The following SAMD5 variants were observed in gnomAD, a reference collection of about 807,000 sequenced individuals.
SAMD5 encodes the protein sterile alpha motif domain-containing protein 5.
Under a neutral mutation model 11.3 loss-of-function variants are expected in SAMD5, and 13 were observed. That is an observed-to-expected ratio of 1.15 (90% CI 0.75 to 1.83). SAMD5 has a LOEUF of 1.83. SAMD5 is among the 40% of genes most tolerant of loss of function. The probability of loss-of-function intolerance (pLI) is 0.00; values close to 1 mark genes in which losing one functional copy is unlikely to be tolerated. For missense variants in SAMD5, 255 were observed against 239.1 expected, an observed-to-expected ratio of 1.07 and a Z score of -0.44; for synonymous variants, 129 against 111.3, an observed-to-expected ratio of 1.16 and a Z score of -1.00.
chr6:147,518,626 A>T (rs528988149), intron 1 of SAMD5, among the ~76,000 whole-genome samples: 82 of 152,318 alleles, frequency 5.4e-4, no homozygotes, highest in African/African-American at 1.8e-3. Context: ...TGAAGATGAA[A>T]GAACACTGTC....
chr6:147,677,857 C>T (rs998676224), intron 1 of SAMD5, among the ~76,000 whole-genome samples: 2 of 152,122 alleles, frequency 1.3e-5, no homozygotes, highest in African/African-American at 4.8e-5. Flanking sequence ...CATGCTCAGG[C>T]ACTTTTGAAT....
At chr6:147,833,250 TTTC>T in the SAMD5 span, among the ~76,000 whole-genome samples, 4 of 152,228 alleles carry the variant, frequency 2.6e-5, no homozygotes, top group East Asian at 1.9e-4. Context: ...TTTATACTTA[TTTC>T]TTCTTCTTTG....
the SAMD5 span, among the ~76,000 whole-genome samples, chr6:147,913,420 G>A: frequency 6.6e-6 from 1 of 152,136 alleles, no homozygotes; most frequent in Non-Finnish European, 1.5e-5. Context: ...TGGGGGCTGG[G>A]GGCAGTGGCT....
the SAMD5 span, among the ~76,000 whole-genome samples, chr6:147,919,857 C>T: frequency 6.6e-6 from 1 of 152,152 alleles, no homozygotes; most frequent in African/African-American, 2.4e-5. Context: ...AGGGAAGCAA[C>T]GTGACCTCAT....
At chr6:147,621,343 C>T (rs1789962447) in intron 1 of SAMD5, among the ~76,000 whole-genome samples, 1 of 152,148 alleles carries the variant, frequency 6.6e-6, no homozygotes, top group Admixed American at 6.5e-5. Flanking sequence ...GTCAATGGAG[C>T]TTGACTTCTG....
At position 147,554,731 on chromosome 6, in the gene SAMD5, C is replaced by T. The variant is rs74977137; in HGVS notation, c.460-9663C>T. ...GAGAGCCAGAAGGGTGAATGTGGAGCGATTGCTAGGATGGAGCTATCATTT... is the reference window on the plus strand; with the variant it reads ...GAGAGCCAGAAGGGTGAATGTGGAGTGATTGCTAGGATGGAGCTATCATTT... On this transcript the variant is annotated intron_variant, in intron 1 of 1. Coordinates refer to ENST00000367474, the MANE Select transcript of SAMD5 (RefSeq NM_001030060.3). Among the ~76,000 whole-genome samples, 1,004 of 152,196 alleles carry T rather than the reference C, an allele frequency of 6.6e-3. 10 individuals carry two copies. Among genetic ancestry groups the T allele is most frequent in the East Asian group, 0.018 (93 of 5,178 alleles).
chr6:147,536,158 T>C (rs1266849314), intron 1 of SAMD5, among the ~76,000 whole-genome samples: 1 of 152,164 alleles, frequency 6.6e-6, no homozygotes, highest in Admixed American at 6.5e-5. Context: ...TGATTTTTTG[T>C]ATTTTTAGTG....
intron 1 of SAMD5, among the ~76,000 whole-genome samples, chr6:147,611,488 A>G (rs1583105702): frequency 6.6e-6 from 1 of 151,416 alleles, no homozygotes; most frequent in African/African-American, 2.4e-5. Flanking sequence ...GCTTGAGCCC[A>G]GGATGCGGAG....
intron 1 of SAMD5, among the ~76,000 whole-genome samples, chr6:147,717,954 A>G (rs903164208): frequency 2.6e-5 from 4 of 152,222 alleles, no homozygotes; most frequent in Admixed American, 6.5e-5. Flanking sequence ...ATGTTGGAAG[A>G]TATGAAATTA....
At chr6:147,841,652 C>T in the SAMD5 span, among the ~76,000 whole-genome samples, 58 of 152,264 alleles carry the variant, frequency 3.8e-4, no homozygotes, top group African/African-American at 1.2e-3. Flanking sequence ...AACCCTCTGA[C>T]CAGTAATCAC....
the SAMD5 span, among the ~76,000 whole-genome samples, chr6:147,766,870 G>GAAT: frequency 6.6e-6 from 1 of 152,164 alleles, no homozygotes; most frequent in Non-Finnish European, 1.5e-5. Context: ...TATTATATAC[G>GAAT]AGATTTGCAA....
At chr6:147,718,038 A>G (rs1424631352) in intron 1 of SAMD5, among the ~76,000 whole-genome samples, 2 of 152,198 alleles carry the variant, frequency 1.3e-5, no homozygotes, top group African/African-American at 4.8e-5. Flanking sequence ...CATTTGTGGT[A>G]TCATTCACAA....
chr6:147,851,696 T>C, the SAMD5 span, among the ~76,000 whole-genome samples: 2 of 152,160 alleles, frequency 1.3e-5, no homozygotes, highest in Non-Finnish European at 2.9e-5. Flanking sequence ...ACTTCTGACT[T>C]AGACTTTTAA....
intron 1 of SAMD5, among the ~76,000 whole-genome samples, chr6:147,724,231 G>A (rs1298819350): frequency 2.0e-5 from 3 of 152,114 alleles, no homozygotes; most frequent in African/African-American, 7.2e-5. Context: ...CGGTTCAAGC[G>A]ATTCTCCCCC....
At chr6:147,915,065 A>G in the SAMD5 span, among the ~76,000 whole-genome samples, 1 of 152,194 alleles carries the variant, frequency 6.6e-6, no homozygotes, top group Admixed American at 6.5e-5. Flanking sequence ...ACTATGGGGG[A>G]AAGAAATGCC....
At chr6:147,725,898 C>T (rs1391557036) in intron 1 of SAMD5, among the ~76,000 whole-genome samples, 1 of 152,128 alleles carries the variant, frequency 6.6e-6, no homozygotes, top group African/African-American at 2.4e-5. Flanking sequence ...GGAGATTCAG[C>T]ATTACCTGAA....
intron 1 of SAMD5, among the ~76,000 whole-genome samples, chr6:147,662,661 G>A (rs138894548): frequency 1.0e-3 from 159 of 152,250 alleles, no homozygotes; most frequent in East Asian, 7.0e-3. Context: ...TTTATCATGG[G>A]TGAGAGTGTC....
the SAMD5 span, among the ~76,000 whole-genome samples, chr6:147,742,932 T>G: frequency 1.3e-5 from 2 of 152,198 alleles, no homozygotes; most frequent in South Asian, 2.1e-4. Context: ...TCTTTATATG[T>G]GAAAGTGTAT....
intron 1 of SAMD5, among the ~76,000 whole-genome samples, chr6:147,697,550 TTA>T (rs1307972747): frequency 2.0e-5 from 3 of 152,224 alleles, no homozygotes; most frequent in Non-Finnish European, 4.4e-5. Flanking sequence ...AGTTTATTAC[TTA>T]TCACTTGATT....
Sources: gnomAD v4.1 joint callset for allele counts (sites outside exome capture counted in the v4.1 genomes callset) on GRCh38, gnomAD v4.1.1 for gene constraint, MANE v1.5 for transcripts, NCBI Gene and HGNC (gene_info 2026-07-23, HGNC 2026-07-21) for gene names.